Variants in VLDLR observed in about 807,000 individuals in gnomAD.
VLDLR encodes very low-density lipoprotein receptor.
In VLDLR, 81 loss-of-function variants were observed where a neutral mutation model predicts 112.7. The ratio of observed to expected loss-of-function variants is 0.72; its 90% CI spans 0.60 to 0.86. VLDLR has a LOEUF of 0.86. Among genes scored for constraint, VLDLR ranks in the 40% least tolerant of loss-of-function variants. The pLI is 0.00. For missense variants in VLDLR, 1,237 were observed against 1,099.4 expected, an observed-to-expected ratio of 1.13 and a Z score of -1.77; for synonymous variants, 436 against 384.8, an observed-to-expected ratio of 1.13 and a Z score of -1.56.
At position 2,654,064 on chromosome 9, in the gene VLDLR, A is replaced by C; in HGVS notation, c.*196A>C. ...AATATTCTTGTCCACATTCTACTTC[A>C]GCTTTGGATGTGGTTACCGAGTATC... is the stretch of plus-strand genomic sequence containing the variant. On this transcript the variant is annotated 3_prime_UTR_variant, in exon 19 of 19. Coordinates refer to ENST00000382100, the MANE Select transcript of VLDLR (RefSeq NM_003383.5). 1 of 594,048 alleles carries C rather than the reference A, an allele frequency of 1.7e-6. No individual in the cohort carries two copies. 36.8% of individuals were successfully genotyped at this position (594,048 alleles called of 1,614,324 possible).
In VLDLR at chr9:2,655,539, A is replaced by G. The variant is rs934586762; in HGVS notation, c.*1671A>G. The G allele has an allele frequency of 2.0e-5, 3 of 152,358 alleles. No homozygotes were observed. Among genetic ancestry groups the G allele is most frequent in the East Asian group, 1.9e-4 (1 of 5,192 alleles). The allele number at this position is 152,358 out of a possible 1,614,324, so 9.4% of individuals were successfully genotyped here. ...TGCTACGTGAATCAGTGGATGACTC[A>G]TATTTCACTTGCATATGAAATATAA... On this transcript the variant is annotated 3_prime_UTR_variant, in exon 19 of 19. Transcript: ENST00000382100.
In VLDLR at chr9:2,622,107, C is replaced by T; in HGVS notation, c.-83C>T. The stretch of plus-strand genomic sequence containing the variant: ...TCCCCTCCCCGCCCCCACCTTCTTC[C>T]TCCTTTCGGAAGGACTGGTAACTTG... On this transcript the variant is annotated 5_prime_UTR_variant, in exon 1 of 19. Coordinates refer to ENST00000382100, the MANE Select transcript of VLDLR (RefSeq NM_003383.5). The T allele has an allele frequency of 7.4e-7, 1 of 1,358,090 alleles. No homozygotes were observed. Among genetic ancestry groups the T allele is most frequent in the Admixed American group, 2.7e-5 (1 of 37,548 alleles). The allele number at this position is 1,358,090 out of a possible 1,614,324, so 84.1% of individuals were successfully genotyped here.
chr9:2,646,236 C>A, intron 10 of VLDLR, 98 bp from the exon 11 acceptor site: 1 of 1,164,418 alleles, frequency 8.6e-7, no homozygotes, highest in Non-Finnish European at 1.3e-6. Flanking sequence ...GGATTTCTTT[C>A]TGAACAAAGT....
At position 2,648,609 on chromosome 9, in the gene VLDLR, C is replaced by G. The variant is rs759051178; in HGVS notation, c.1963-60C>G. The G allele has an allele frequency of 2.5e-6, 4 of 1,612,142 alleles. No homozygotes were observed. In the East Asian group the frequency reaches 6.7e-5, roughly 27 times the overall value. On this transcript the variant is annotated intron_variant, in intron 13 of 18. Coordinates refer to ENST00000382100, the MANE Select transcript of VLDLR (RefSeq NM_003383.5). ...TAAATGAGAAGTAAATGATGATGACCTTAGAAATGGACTTGTGTTAATCCT... is the reference window on the plus strand; with the variant it reads ...TAAATGAGAAGTAAATGATGATGACGTTAGAAATGGACTTGTGTTAATCCT...
Position 2,648,811 on chromosome 9 carries a change from G to T in VLDLR, c.2104+1G>T. 6.2e-7 allele frequency: 1 copy of T among 1,614,162 alleles called. No individual in the cohort carries two copies. The highest frequency in any genetic ancestry group is 8.5e-7 in the Non-Finnish European group (1 of 1,180,018). ...TATCATGAACTTGTACAGCCATCAG[G>T]TACCGTGGAGAAGCACAGTCCTTAA... On this transcript the variant is annotated splice_donor_variant, in intron 14 of 18. Transcript: ENST00000382100. LOFTEE classifies it high-confidence loss of function.
intron 5 of VLDLR, 25 bp downstream of exon 5, chr9:2,643,556 G>A (rs1182635528): frequency 3.7e-6 from 6 of 1,614,098 alleles, no homozygotes; most frequent in East Asian, 4.5e-5. Flanking sequence ...AGCATGGCAT[G>A]TTCAGTTCTC....
intron 1 of VLDLR, among the ~76,000 whole-genome samples, chr9:2,622,843 G>A (rs1816888016): frequency 6.6e-6 from 1 of 152,096 alleles, no homozygotes; most frequent in South Asian, 2.1e-4. Context: ...CGGAGCCGAG[G>A]GCACCCGGAC....
intron 1 of VLDLR, among the ~76,000 whole-genome samples, chr9:2,623,236 C>T (rs901421458): frequency 3.4e-4 from 52 of 152,190 alleles, no homozygotes; most frequent in African/African-American, 1.2e-3. Context: ...GCCTGGGGGC[C>T]CCGCCTGGTC....
chr9:2,626,006 C>A (rs1454835681), intron 1 of VLDLR, among the ~76,000 whole-genome samples: 1 of 152,188 alleles, frequency 6.6e-6, no homozygotes, highest in Non-Finnish European at 1.5e-5. Context: ...TTGCTAAGTT[C>A]GTCTATTGGC....
chr9:2,644,153 G>GTTTTTTTTTTTTTTTT (rs59793046), intron 7 of VLDLR, among the ~76,000 whole-genome samples, 194 bp downstream of exon 7: 48 of 96,378 alleles, frequency 5.0e-4, no homozygotes, highest in Non-Finnish European at 7.4e-4. Context: ...TGTTTTTGTT[G>GTTTTTTTTTTTTTTTT]TTTTTTTTTT....
intron 2 of VLDLR, among the ~76,000 whole-genome samples, chr9:2,639,292 G>A (rs1436517692): frequency 1.3e-5 from 2 of 152,206 alleles, no homozygotes; most frequent in African/African-American, 2.4e-5. Context: ...GAGAGAGTAA[G>A]CGCTCTGGTT....
intron 4 of VLDLR, 132 bp from the exon 5 acceptor site, chr9:2,643,028 C>T (rs1817892047): frequency 2.9e-6 from 4 of 1,366,504 alleles, no homozygotes; most frequent in East Asian, 4.6e-5. Flanking sequence ...TGATTTAACT[C>T]CATTGTAGCC....
intron 2 of VLDLR, among the ~76,000 whole-genome samples, chr9:2,636,836 G>A (rs936294517): frequency 4.6e-5 from 7 of 152,148 alleles, no homozygotes; most frequent in African/African-American, 1.7e-4. Flanking sequence ...GTTGTAAGTT[G>A]CAATTTTTTT....
chr9:2,644,159 T>G (rs1280572076), intron 7 of VLDLR, among the ~76,000 whole-genome samples, 200 bp downstream of exon 7: 2 of 139,188 alleles, frequency 1.4e-5, no homozygotes, highest in Non-Finnish European at 3.1e-5. Flanking sequence ...TGTTGTTTTT[T>G]TTTTTTTTTT....
chr9:2,635,362 A>T (rs761708130), intron 1 of VLDLR, 91 bp from the exon 2 acceptor site: 1 of 1,598,380 alleles, frequency 6.3e-7, no homozygotes, highest in African/African-American at 1.3e-5. Context: ...AGTCTGCAGT[A>T]TCCTTCTGAG....
intron 2 of VLDLR, among the ~76,000 whole-genome samples, chr9:2,637,417 C>G (rs1817638343): frequency 6.6e-6 from 1 of 152,272 alleles, no homozygotes; most frequent in African/African-American, 2.4e-5. Flanking sequence ...AATTAATCAG[C>G]AACCTAAGTA....
In VLDLR at chr9:2,659,311, GTCC is replaced by G. The variant is rs1394599511; in HGVS notation, c.*5449_*5451del. 2 of 152,200 alleles carry G rather than the reference GTCC, an allele frequency of 1.3e-5. No homozygotes were observed. The highest frequency in any genetic ancestry group is 1.9e-4 in the East Asian group (1 of 5,188). 9.4% of individuals were successfully genotyped at this position (152,200 alleles called of 1,614,324 possible). A position where few individuals can be genotyped will look rare whatever the true frequency, so the allele number is the denominator to read the frequency against. ...GGATGTCGCATTGCATGTTTGCTGAGTCCTCCTCATTGCTGATGTTAGGATCCT... is the reference window on the plus strand; with the variant it reads ...GGATGTCGCATTGCATGTTTGCTGAGTCCTCATTGCTGATGTTAGGATCCT... On this transcript the variant is annotated 3_prime_UTR_variant, in exon 19 of 19. Coordinates refer to ENST00000382100, the MANE Select transcript of VLDLR (RefSeq NM_003383.5).
Position 2,656,942 on chromosome 9 carries a change from C to CAAAAAAA in VLDLR, c.*3096_*3102dup, listed in dbSNP as rs35624077. ...TCTTTAGTTCTTGATGAATACAAGG[C>CAAAAAAA]AAAAAAAAAAAAAAAAAAAAAAAAA... On this transcript the variant is annotated 3_prime_UTR_variant, in exon 19 of 19. Transcript: ENST00000382100. The CAAAAAAA allele has an allele frequency of 6.0e-5, 4 of 67,132 alleles. No individual in the cohort carries two copies. The highest frequency in any genetic ancestry group is 2.1e-4 in the Admixed American group (1 of 4,654). 4.2% of individuals were successfully genotyped at this position (67,132 alleles called of 1,614,324 possible).
chr9:2,657,978 G>A lies in VLDLR; in HGVS notation c.*4110G>A, dbSNP rs1482604739. The stretch of plus-strand genomic sequence containing the variant: ...CAGCCATATCATGGGCCTAAACTAT[G>A]AGAGTTCAGAAATATATAAAAGTAC... On this transcript the variant is annotated 3_prime_UTR_variant, in exon 19 of 19. Coordinates refer to ENST00000382100, the MANE Select transcript of VLDLR (RefSeq NM_003383.5). 6.6e-6 allele frequency: 1 copy of A among 152,148 alleles called. No homozygotes were observed. The highest frequency in any genetic ancestry group is 1.9e-4 in the East Asian group (1 of 5,200). The allele number at this position is 152,148 out of a possible 1,614,324, so 9.4% of individuals were successfully genotyped here.
Sources: gnomAD v4.1 joint callset for allele counts (sites outside exome capture counted in the v4.1 genomes callset) on GRCh38, gnomAD v4.1.1 for gene constraint, MANE v1.5 for transcripts, NCBI Gene and HGNC (gene_info 2026-07-23, HGNC 2026-07-21) for gene names.